The following ITGBL1 variants were observed in gnomAD, a reference collection of about 807,000 sequenced individuals.
ITGBL1 encodes integrin beta-like protein 1.
Under a neutral mutation model 68.5 loss-of-function variants are expected in ITGBL1, and 51 were observed. The ratio of observed to expected loss-of-function variants is 0.74; its 90% CI spans 0.59 to 0.94. The LOEUF (loss-of-function observed/expected upper bound fraction) is 0.94. Ranked by LOEUF, ITGBL1 falls within the 40% of genes least tolerant of loss-of-function variation. ITGBL1 has a pLI of 0.00. For missense variants in ITGBL1, 649 were observed against 647.4 expected (o/e 1.00, Z -0.03); for synonymous variants, 209 against 227.3 (o/e 0.92, Z 0.72).
intron 7 of ITGBL1, among the ~76,000 whole-genome samples, chr13:101,676,310 T>A (rs1326215979): frequency 6.6e-6 from 1 of 152,088 alleles, no homozygotes; most frequent in Non-Finnish European, 1.5e-5. Context: ...GACAGTTTAC[T>A]TTTTTTCTGG....
chr13:101,620,209 T>C (rs2031530356), intron 7 of ITGBL1, among the ~76,000 whole-genome samples: 1 of 152,192 alleles, frequency 6.6e-6, no homozygotes, highest in African/African-American at 2.4e-5. Flanking sequence ...CGTAGATAAG[T>C]AGATTCACAT....
intron 6 of ITGBL1, among the ~76,000 whole-genome samples, chr13:101,594,384 G>A (rs896339963): frequency 2.6e-5 from 4 of 152,118 alleles, no homozygotes; most frequent in African/African-American, 9.7e-5. Flanking sequence ...TCCACATGCA[G>A]AAGAAAGAAA....
At chr13:101,674,577 C>G (rs905126035) in intron 7 of ITGBL1, among the ~76,000 whole-genome samples, 1 of 151,930 alleles carries the variant, frequency 6.6e-6, no homozygotes, top group African/African-American at 2.4e-5. Context: ...TAAATATTGT[C>G]TAATATAGAG....
At chr13:101,644,519 G>A (rs1011022657) in intron 7 of ITGBL1, among the ~76,000 whole-genome samples, 5 of 152,124 alleles carry the variant, frequency 3.3e-5, no homozygotes, top group Non-Finnish European at 7.3e-5. Flanking sequence ...TATACTCACA[G>A]TGAGATTACA....
At chr13:101,601,415 T>C (rs2030373411) in intron 7 of ITGBL1, among the ~76,000 whole-genome samples, 1 of 152,060 alleles carries the variant, frequency 6.6e-6, no homozygotes, top group Non-Finnish European at 1.5e-5. Flanking sequence ...TTTTGAAGGG[T>C]TTTTTGTGTC....
intron 2 of ITGBL1, among the ~76,000 whole-genome samples, chr13:101,492,338 C>A (rs941646502): frequency 2.0e-5 from 3 of 152,168 alleles, no homozygotes; most frequent in African/African-American, 7.2e-5. Context: ...TCCTGCTCAG[C>A]AGTTATTCAT....
At chr13:101,585,283 A>G (rs2050532950) in intron 6 of ITGBL1, among the ~76,000 whole-genome samples, 1 of 152,234 alleles carries the variant, frequency 6.6e-6, no homozygotes, top group African/African-American at 2.4e-5. Flanking sequence ...TCTCCAGCAT[A>G]GAGGGCAAAG....
At chr13:101,527,236 A>G (rs528944792) in intron 2 of ITGBL1, among the ~76,000 whole-genome samples, 1 of 152,202 alleles carries the variant, frequency 6.6e-6, no homozygotes, top group South Asian at 2.1e-4. Flanking sequence ...ATATTTCCTC[A>G]TGTCCCTTGA....
intron 2 of ITGBL1, among the ~76,000 whole-genome samples, chr13:101,565,662 T>G (rs1287746971): frequency 6.6e-6 from 1 of 152,090 alleles, no homozygotes; most frequent in East Asian, 1.9e-4. Context: ...GCTAAAAAAA[T>G]TAAAAATATT....
In ITGBL1 at chr13:101,709,990, C is replaced by T. The variant is rs143338467; in HGVS notation, c.1279+3088C>T. ...TTCAGCATCATAAATGTAGAAAATA[C>T]AAAGAAAAAAATAGGTTGACTAAAT... On this transcript the variant is annotated intron_variant, in intron 9 of 10. Coordinates refer to ENST00000376180, the MANE Select transcript of ITGBL1 (RefSeq NM_004791.3). Among the ~76,000 whole-genome samples, 8 of 152,114 alleles carry T rather than the reference C, an allele frequency of 5.3e-5. No individual in the cohort carries two copies. In the East Asian group the frequency reaches 1.3e-3, roughly 26 times the overall value.
At chr13:101,544,566 T>C (rs2049782043) in intron 2 of ITGBL1, among the ~76,000 whole-genome samples, 1 of 152,138 alleles carries the variant, frequency 6.6e-6, no homozygotes, top group African/African-American at 2.4e-5. Context: ...GGAGAACCAC[T>C]ACTCTTTTCA....
chr13:101,489,961 C>T, intron 2 of ITGBL1: 1 of 1,508,540 alleles, frequency 6.6e-7, no homozygotes, highest in African/African-American at 1.4e-5. Context: ...TAAACTTTGT[C>T]TCATGAACTT....
intron 8 of ITGBL1, among the ~76,000 whole-genome samples, chr13:101,704,569 A>G (rs1451539281): frequency 4.0e-5 from 6 of 151,884 alleles, no homozygotes; most frequent in African/African-American, 1.4e-4. Context: ...GTGGCATGCC[A>G]ATAGAGAAGA....
intron 2 of ITGBL1, among the ~76,000 whole-genome samples, chr13:101,548,035 T>C (rs377381621): frequency 4.0e-5 from 6 of 151,504 alleles, no homozygotes; most frequent in Admixed American, 3.3e-4. Flanking sequence ...TTTAAAAGTC[T>C]TGTTACCACC....
chr13:101,609,356 T>TTCTCATAGACATC, intron 7 of ITGBL1, among the ~76,000 whole-genome samples: 1 of 152,252 alleles, frequency 6.6e-6, no homozygotes, highest in Middle Eastern at 3.4e-3. Flanking sequence ...ACATTGTGTA[T>TTCTCATAGACATC]TCTCATAGAG....
chr13:101,703,787 T>C (rs1566798261), intron 8 of ITGBL1, among the ~76,000 whole-genome samples: 1 of 152,138 alleles, frequency 6.6e-6, no homozygotes, highest in Non-Finnish European at 1.5e-5. Context: ...AAATCATATA[T>C]GGATGTAGGA....
At chr13:101,689,684 T>C (rs528816610) in intron 7 of ITGBL1, among the ~76,000 whole-genome samples, 13 of 152,290 alleles carry the variant, frequency 8.5e-5, no homozygotes, top group South Asian at 6.2e-4. Flanking sequence ...AATTAGCCTT[T>C]CCTAATGCAT....
intron 7 of ITGBL1, among the ~76,000 whole-genome samples, chr13:101,690,690 AAC>A (rs1345089287): frequency 4.6e-5 from 7 of 152,178 alleles, no homozygotes; most frequent in African/African-American, 1.7e-4. Flanking sequence ...TTCTAAAACC[AAC>A]ACTACTAATA....
In ITGBL1 at chr13:101,606,112, CTATA is replaced by C. The variant is rs71125009; in HGVS notation, c.1015+7824_1015+7827del. On this transcript the variant is annotated intron_variant, in intron 7 of 10. Coordinates refer to ENST00000376180, the MANE Select transcript of ITGBL1 (RefSeq NM_004791.3). Reference sequence around the variant, plus strand: ...ATATATATATATGCTCTCTCTCTCTCTATATATATATATAGCCTTCACGTGGTCC... The same window carrying C: ...ATATATATATATGCTCTCTCTCTCTCTATATATATAGCCTTCACGTGGTCC... Among the ~76,000 whole-genome samples, 57 of 125,324 alleles carry C rather than the reference CTATA, an allele frequency of 4.5e-4. 1 individual carries two copies. In the East Asian group the frequency reaches 4.7e-3, roughly 10 times the overall value. The allele number at this position is 125,324 out of a possible 152,430, so 82.2% of individuals were successfully genotyped here.
Sources: allele counts gnomAD v4.1 joint callset (sites outside exome capture counted in the v4.1 genomes callset), GRCh38; gene constraint gnomAD v4.1.1; transcripts MANE v1.5; gene names NCBI Gene and HGNC (gene_info 2026-07-23, HGNC 2026-07-21).